The following KGD4 variants were observed in gnomAD, a reference collection of about 807,000 sequenced individuals.
KGD4 encodes alpha-ketoglutarate dehydrogenase subunit 4.
the KGD4 span, chr5:69,229,261 T>G: frequency 6.3e-7 from 1 of 1,593,086 alleles, no homozygotes; most frequent in Non-Finnish European, 8.6e-7. Context: ...GACAATAGAA[T>G]TGTCTTTACA....
the KGD4 span, chr5:69,228,143 A>G: frequency 3.8e-6 from 5 of 1,324,612 alleles, no homozygotes; most frequent in Non-Finnish European, 5.1e-6. Context: ...TTTAAGACTC[A>G]GTATTTTGAC....
At chr5:69,227,539 C>T in the KGD4 span, among the ~76,000 whole-genome samples, 13 of 152,074 alleles carry the variant, frequency 8.5e-5, no homozygotes, top group African/African-American at 3.1e-4. Context: ...TTAATTCAGG[C>T]AATTTTAACA....
chr5:69,218,469 A>AGTGTGTGTGTGTGTGTGTGT, the KGD4 span, among the ~76,000 whole-genome samples: 2 of 52,036 alleles, frequency 3.8e-5, no homozygotes, highest in African/African-American at 2.4e-4. Flanking sequence ...TGTGTATATT[A>AGTGTGTGTGTGTGTGTGTGT]ATGTGTGTGT....
At chr5:69,218,367 C>T in the KGD4 span, among the ~76,000 whole-genome samples, 1 of 152,216 alleles carries the variant, frequency 6.6e-6, no homozygotes, top group Non-Finnish European at 1.5e-5. Context: ...GCGTCCTCGC[C>T]GGAGCGGGTT....
chr5:69,228,907 C>T, the KGD4 span, among the ~76,000 whole-genome samples: 7 of 150,944 alleles, frequency 4.6e-5, no homozygotes, highest in African/African-American at 1.5e-4. Flanking sequence ...CCCAGCTACT[C>T]GGGAGGCTGA....
the KGD4 span, chr5:69,218,058 T>C: frequency 1.1e-6 from 1 of 899,562 alleles, no homozygotes; most frequent in Admixed American, 2.6e-5. Flanking sequence ...GGCAGTGAGG[T>C]GGGTCCGGCG....
chr5:69,222,129 C>T, the KGD4 span, among the ~76,000 whole-genome samples: 1 of 151,822 alleles, frequency 6.6e-6, no homozygotes, highest in East Asian at 1.9e-4. Context: ...AACAGGAATG[C>T]TACTGCAGAA....
the KGD4 span, among the ~76,000 whole-genome samples, chr5:69,219,288 C>T: frequency 1.3e-5 from 2 of 152,078 alleles, no homozygotes; most frequent in Admixed American, 1.3e-4. Context: ...AGGTTTATTG[C>T]CCAAGAGAAG....
At chr5:69,226,427 T>G in the KGD4 span, 2 of 1,464,170 alleles carry the variant, frequency 1.4e-6, no homozygotes, top group South Asian at 2.4e-5. Flanking sequence ...TTTAAATTTC[T>G]TTTAAAATTG....
the KGD4 span, among the ~76,000 whole-genome samples, chr5:69,219,579 T>C: frequency 6.6e-6 from 1 of 151,958 alleles, no homozygotes; most frequent in Non-Finnish European, 1.5e-5. Context: ...TGCAAACAAA[T>C]GAAGAAACTG....
the KGD4 span, among the ~76,000 whole-genome samples, chr5:69,225,262 A>AT: frequency 0.35 from 36,484 of 104,188 alleles, 7,433 homozygotes; most frequent in African/African-American, 0.45. Flanking sequence ...ATAGCACCAC[A>AT]TTTTTTTTTT....
At chr5:69,223,451 C>G in the KGD4 span, among the ~76,000 whole-genome samples, 1 of 151,574 alleles carries the variant, frequency 6.6e-6, no homozygotes, top group Non-Finnish European at 1.5e-5. Flanking sequence ...AGCATTTTCT[C>G]ACAGCCACAG....
At chr5:69,224,149 G>T in the KGD4 span, among the ~76,000 whole-genome samples, 3 of 152,126 alleles carry the variant, frequency 2.0e-5, no homozygotes, top group South Asian at 6.2e-4. Context: ...CCAGCACTTT[G>T]GGAAGCCGAA....
the KGD4 span, among the ~76,000 whole-genome samples, chr5:69,227,275 C>T: frequency 1.3e-5 from 2 of 152,138 alleles, no homozygotes. Flanking sequence ...CTCTCCTATC[C>T]TTTAGAAGAT....
the KGD4 span, chr5:69,229,159 C>T: frequency 1.3e-6 from 2 of 1,536,724 alleles, no homozygotes; most frequent in African/African-American, 2.7e-5. Flanking sequence ...AAAACATTTC[C>T]TGAGTCAATT....
chr5:69,227,960 A>G, the KGD4 span, among the ~76,000 whole-genome samples: 6 of 152,316 alleles, frequency 3.9e-5, no homozygotes, highest in South Asian at 4.1e-4. Flanking sequence ...TCTGTAAACA[A>G]TAAATGTATA....
chr5:69,220,991 C>G, the KGD4 span, among the ~76,000 whole-genome samples: 5 of 152,044 alleles, frequency 3.3e-5, no homozygotes, highest in African/African-American at 9.7e-5. Context: ...GCAGCATGCT[C>G]GTTAAGAGTC....
chr5:69,217,965 G>C, the KGD4 span: 1 of 1,599,384 alleles, frequency 6.3e-7, no homozygotes, highest in Non-Finnish European at 8.6e-7. Context: ...GGCAGAGGCA[G>C]AGCGGTGACC....
the KGD4 span, chr5:69,218,111 G>A: frequency 3.2e-6 from 2 of 617,930 alleles, no homozygotes; most frequent in Non-Finnish European, 5.7e-6. Context: ...CATCTTGGCA[G>A]GTAGGTCCTG....
Sources: gnomAD v4.1 joint callset for allele counts (sites outside exome capture counted in the v4.1 genomes callset) on GRCh38, gnomAD v4.1.1 for gene constraint, MANE v1.5 for transcripts, NCBI Gene and HGNC (gene_info 2026-07-23, HGNC 2026-07-21) for gene names.